Variants in PPT1 observed in about 807,000 individuals in gnomAD.
PPT1 encodes the protein palmitoyl-protein thioesterase 1.
In PPT1, 24 loss-of-function variants were observed where a neutral mutation model predicts 44.0. The observed-to-expected ratio is 0.54, with a 90% CI of 0.39 to 0.77. The LOEUF (loss-of-function observed/expected upper bound fraction) is 0.77. Among genes scored for constraint, PPT1 ranks in the 30% least tolerant of loss-of-function variants. The pLI is 0.00. For missense variants in PPT1, 341 were observed against 378.8 expected, an observed-to-expected ratio of 0.90 and a Z score of 0.83; for synonymous variants, 148 against 140.2, an observed-to-expected ratio of 1.06 and a Z score of -0.39.
chr1:40,091,004 A>T (rs967173609), intron 4 of PPT1, among the ~76,000 whole-genome samples: 1 of 152,240 alleles, frequency 6.6e-6, no homozygotes, highest in Non-Finnish European at 1.5e-5. Context: ...AGAGGATACC[A>T]CCAAATCAGA....
Position 40,076,926 on chromosome 1 carries a change from CAAAGG to C in PPT1, c.727-18_727-14del. The stretch of plus-strand genomic sequence containing the variant: ...AAAATCCAAACCACTGCAGAAGAAG[CAAAGG>C]AAAGAAGCTCAGATATGACACACAG... On this transcript the variant is annotated splice_polypyrimidine_tract_variant and intron_variant, in intron 7 of 8. Transcript: ENST00000642050. 1 of 1,613,980 alleles carries C rather than the reference CAAAGG, an allele frequency of 6.2e-7. No homozygotes were observed. Among genetic ancestry groups the C allele is most frequent in the Non-Finnish European group, 8.5e-7 (1 of 1,179,932 alleles).
chr1:40,080,577 T>C, intron 5 of PPT1, 90 bp from the exon 6 acceptor site: 7 of 1,305,262 alleles, frequency 5.4e-6, no homozygotes, highest in Non-Finnish European at 7.7e-6. Context: ...CAAGAGACTT[T>C]AAAAGGACAA....
downstream of PPT1, chr1:40,072,252 GA>G (rs61352266): frequency 0.028 from 4,371 of 156,004 alleles, no homozygotes; most frequent in Middle Eastern, 0.044. Context: ...ACTTTAAAAG[GA>G]AAAAAAAAAA....
chr1:40,097,102 C>A lies in PPT1; in HGVS notation c.124+13G>T. The A allele has an allele frequency of 1.2e-6, 2 of 1,613,998 alleles. No homozygotes were observed. Among genetic ancestry groups the A allele is most frequent in the Non-Finnish European group, 1.7e-6 (2 of 1,179,870 alleles). On this transcript the variant is annotated intron_variant, in intron 1 of 8. Coordinates refer to ENST00000642050, the MANE Select transcript of PPT1 (RefSeq NM_000310.4). ...AGAATCGCCAAACCCTTTTAAATTT[C>A]TCACTCACTCACCCATCCCATGCCA...
At position 40,093,984 on chromosome 1, in the gene PPT1, A is replaced by G. The variant is rs766549253; in HGVS notation, c.125-1477T>C. On this transcript the variant is annotated intron_variant, in intron 1 of 8. Coordinates refer to ENST00000642050, the MANE Select transcript of PPT1 (RefSeq NM_000310.4). ...GAGGCAGGAGGATTGCTTGAGGCCA[A>G]GAGTTCGAGACCAGTTTGGGCAACA... is the stretch of plus-strand genomic sequence containing the variant. 1.2e-4 allele frequency: 83 copies of G among 716,908 alleles called. 1 individual carries two copies. The South Asian group carries it at 1.2e-3, about 11-fold the overall frequency. The allele number at this position is 716,908 out of a possible 1,614,324, so 44.4% of individuals were successfully genotyped here.
chr1:40,071,742 A>G (rs1172343072), downstream of PPT1: 1 of 561,314 alleles, frequency 1.8e-6, no homozygotes, highest in African/African-American at 1.9e-5. Context: ...AGGAAGGTGC[A>G]GCTTTTCCAT....
At chr1:40,074,453 CTCTCTCTG>C (rs1296332731) in intron 8 of PPT1, among the ~76,000 whole-genome samples, 1 of 120,726 alleles carries the variant, frequency 8.3e-6, no homozygotes, top group East Asian at 2.9e-4. Flanking sequence ...CTTCCTCTCT[CTCTCTCTG>C]TCTCTCTTTC....
intron 5 of PPT1, among the ~76,000 whole-genome samples, chr1:40,087,769 T>G (rs1282859064): frequency 6.6e-6 from 1 of 151,980 alleles, no homozygotes; most frequent in African/African-American, 2.4e-5. Context: ...ATATAAATAA[T>G]TAAGTTGTAA....
chr1:40,072,372 G>C (rs1283190446), downstream of PPT1: 3 of 297,162 alleles, frequency 1.0e-5, no homozygotes, highest in African/African-American at 2.2e-5. Context: ...ATGCTCATCA[G>C]CTTATGGCTT....
At position 40,073,256 on chromosome 1, in the gene PPT1, C is replaced by A. The variant is rs1165044076; in HGVS notation, c.*805G>T. Reference sequence around the variant, plus strand: ...AAGCCAGCAACAGAGTAAGTTGACTCTAGCATCAAGACCACTAGTCATATT... The same window carrying A: ...AAGCCAGCAACAGAGTAAGTTGACTATAGCATCAAGACCACTAGTCATATT... On this transcript the variant is annotated 3_prime_UTR_variant, in exon 9 of 9. Coordinates refer to ENST00000642050, the MANE Select transcript of PPT1 (RefSeq NM_000310.4). 1 of 152,202 alleles carries A rather than the reference C, an allele frequency of 6.6e-6. No individual in the cohort carries two copies. Among genetic ancestry groups the A allele is most frequent in the Non-Finnish European group, 1.5e-5 (1 of 68,056 alleles). The allele number at this position is 152,202 out of a possible 1,614,324, so 9.4% of individuals were successfully genotyped here.
chr1:40,077,065 AT>A, intron 7 of PPT1, 152 bp from the exon 8 acceptor site: 5 of 940,988 alleles, frequency 5.3e-6, no homozygotes, highest in Non-Finnish European at 6.6e-6. Context: ...CGTCTGAGTC[AT>A]CTCTTCTTAA....
chr1:40,077,010 G>C, intron 7 of PPT1, 97 bp from the exon 8 acceptor site: 1 of 1,404,342 alleles, frequency 7.1e-7, no homozygotes, highest in African/African-American at 1.4e-5. Flanking sequence ...TGCCAACAAA[G>C]TGAACATCAT....
intron 5 of PPT1, among the ~76,000 whole-genome samples, chr1:40,085,321 C>G (rs537608032): frequency 2.6e-4 from 40 of 152,320 alleles, no homozygotes; most frequent in African/African-American, 9.1e-4. Context: ...CCAGTGGACA[C>G]GTGACCCATG....
At chr1:40,072,630 A>G (rs1022183104), downstream of PPT1, 3 of 152,718 alleles carry the variant, frequency 2.0e-5, no homozygotes, top group African/African-American at 7.2e-5. Flanking sequence ...AAAATAGAAT[A>G]AAGTTAATAC....
intron 5 of PPT1, among the ~76,000 whole-genome samples, chr1:40,082,841 A>T (rs935974356): frequency 2.0e-5 from 3 of 152,198 alleles, no homozygotes; most frequent in African/African-American, 7.2e-5. Context: ...AACAGTCTTA[A>T]ATTGGAAGAA....
At chr1:40,076,631 T>C (rs75001786) in intron 8 of PPT1, 3 of 1,390,210 alleles carry the variant, frequency 2.2e-6, no homozygotes, top group East Asian at 2.8e-5. Flanking sequence ...CAGGATGTAG[T>C]GGATTTTTGT....
intron 5 of PPT1, among the ~76,000 whole-genome samples, chr1:40,085,035 C>T (rs1394015356): frequency 6.6e-6 from 1 of 152,076 alleles, no homozygotes; most frequent in Non-Finnish European, 1.5e-5. Context: ...TTAGAGAAGC[C>T]TCTACTCCTC....
At position 40,091,288 on chromosome 1, in the gene PPT1, G is replaced by T. The variant is rs567328183; in HGVS notation, c.433+41C>A. The T allele has an allele frequency of 4.6e-5, 73 of 1,573,426 alleles. 1 individual carries two copies. The South Asian group carries it at 7.3e-4, about 16-fold the overall frequency. On this transcript the variant is annotated intron_variant, in intron 4 of 8. Coordinates refer to ENST00000642050, the MANE Select transcript of PPT1 (RefSeq NM_000310.4). ...TTTTTTTAAATCAGGTGGTCATGTG[G>T]GTTAGAATACAGAAAAAAGAAAGCA...
At chr1:40,084,051 T>C (rs1316898082) in intron 5 of PPT1, among the ~76,000 whole-genome samples, 1 of 152,040 alleles carries the variant, frequency 6.6e-6, no homozygotes, top group African/African-American at 2.4e-5. Flanking sequence ...AGACTCTGTC[T>C]CAAAAACAAA....
Sources: allele counts gnomAD v4.1 joint callset (sites outside exome capture counted in the v4.1 genomes callset), GRCh38; gene constraint gnomAD v4.1.1; transcripts MANE v1.5; gene names NCBI Gene and HGNC (gene_info 2026-07-23, HGNC 2026-07-21).